Variants in UBASH3B observed in about 807,000 individuals in gnomAD.
UBASH3B encodes ubiquitin-associated and SH3 domain-containing protein B.
A neutral mutation model predicts 83.4 loss-of-function variants in UBASH3B; 37 were observed. That is an observed-to-expected ratio of 0.44 (90% CI 0.34 to 0.58). UBASH3B has a LOEUF of 0.58. Ranked by LOEUF, UBASH3B falls within the 20% of genes least tolerant of loss-of-function variation. The pLI is 0.01. For missense variants in UBASH3B, 657 were observed against 827.2 expected, an observed-to-expected ratio of 0.79 and a Z score of 2.52; for synonymous variants, 304 against 318.3, an observed-to-expected ratio of 0.96 and a Z score of 0.48.
intron 1 of UBASH3B, among the ~76,000 whole-genome samples, chr11:122,666,922 C>A (rs1044558377): frequency 1.4e-4 from 21 of 151,924 alleles, no homozygotes; most frequent in African/African-American, 4.8e-4. Context: ...AGCTTCACAC[C>A]CTGTGAAGCA....
chr11:122,798,874 TCA>T (rs1467315558), intron 9 of UBASH3B, 66 bp from the exon 10 acceptor site: 9 of 1,387,806 alleles, frequency 6.5e-6, no homozygotes, highest in Non-Finnish European at 7.1e-6. Flanking sequence ...TGGCCCCCTC[TCA>T]CACTGCGGGT....
intron 1 of UBASH3B, among the ~76,000 whole-genome samples, chr11:122,719,110 G>A (rs1457724251): frequency 6.6e-6 from 1 of 152,212 alleles, no homozygotes; most frequent in Non-Finnish European, 1.5e-5. Flanking sequence ...GCATGATTAC[G>A]TTAGATTGGT....
intron 1 of UBASH3B, among the ~76,000 whole-genome samples, chr11:122,662,311 T>C (rs1226074284): frequency 6.6e-6 from 1 of 152,202 alleles, no homozygotes; most frequent in Non-Finnish European, 1.5e-5. Context: ...ACCTGTGTGA[T>C]TACCTGCTAC....
At chr11:122,693,599 G>A (rs1239956364) in intron 1 of UBASH3B, among the ~76,000 whole-genome samples, 1 of 152,212 alleles carries the variant, frequency 6.6e-6, no homozygotes, top group Non-Finnish European at 1.5e-5. Flanking sequence ...ATGGCCGAGC[G>A]TGGTGGCTCA....
intron 1 of UBASH3B, among the ~76,000 whole-genome samples, chr11:122,673,693 A>G (rs2135902089): frequency 6.6e-6 from 1 of 152,174 alleles, no homozygotes; most frequent in Non-Finnish European, 1.5e-5. Flanking sequence ...CGCTCTTTCT[A>G]TTGTCACTGC....
chr11:122,715,930 A>G (rs1860518003), intron 1 of UBASH3B, among the ~76,000 whole-genome samples: 1 of 152,242 alleles, frequency 6.6e-6, no homozygotes. Flanking sequence ...AGTCAAAATT[A>G]CATTTTCCTG....
At chr11:122,751,529 A>G (rs1008641129) in intron 1 of UBASH3B, among the ~76,000 whole-genome samples, 16 of 152,316 alleles carry the variant, frequency 1.1e-4, no homozygotes, top group Non-Finnish European at 1.8e-4. Context: ...GCTCCAGCCT[A>G]CCCTATAATT....
intron 1 of UBASH3B, among the ~76,000 whole-genome samples, chr11:122,744,708 C>CTA (rs1555142461): frequency 6.6e-6 from 1 of 151,704 alleles, no homozygotes; most frequent in Non-Finnish European, 1.5e-5. Context: ...ACATGTGCAA[C>CTA]TGTGTGTGAC....
intron 1 of UBASH3B, among the ~76,000 whole-genome samples, chr11:122,714,358 C>T (rs914860814): frequency 1.3e-5 from 2 of 152,238 alleles, no homozygotes; most frequent in Non-Finnish European, 2.9e-5. Context: ...CTCTCTAAAT[C>T]GGCCTTCCTG....
At chr11:122,808,341 G>A (rs1361102418) in intron 13 of UBASH3B, among the ~76,000 whole-genome samples, 165 bp downstream of exon 13, 1 of 152,208 alleles carries the variant, frequency 6.6e-6, no homozygotes, top group Admixed American at 6.5e-5. Flanking sequence ...TCTGTGCAGG[G>A]CACTTTATTA....
At chr11:122,788,067 G>C (rs1291176598) in intron 5 of UBASH3B, among the ~76,000 whole-genome samples, 2 of 152,178 alleles carry the variant, frequency 1.3e-5, no homozygotes, top group Non-Finnish European at 2.9e-5. Flanking sequence ...AAGGCAAAAA[G>C]AAATAAAGAA....
chr11:122,804,993 C>T (rs998630855), intron 11 of UBASH3B, among the ~76,000 whole-genome samples: 1 of 152,114 alleles, frequency 6.6e-6, no homozygotes, highest in Admixed American at 6.5e-5. Flanking sequence ...GCAGGGGCAC[C>T]GGGACAGGAA....
chr11:122,741,292 T>A (rs548374591), intron 1 of UBASH3B, among the ~76,000 whole-genome samples: 1 of 152,298 alleles, frequency 6.6e-6, no homozygotes, highest in East Asian at 1.9e-4. Flanking sequence ...TTTTAAAAAT[T>A]TTCAATTGGA....
chr11:122,662,972 C>CTTTTTTTTT lies in UBASH3B; in HGVS notation c.161+6776_161+6784dup, dbSNP rs568564848. Among the ~76,000 whole-genome samples, 110 of 110,584 alleles carry CTTTTTTTTT rather than the reference C, an allele frequency of 9.9e-4. 2 individuals are homozygous for CTTTTTTTTT. Among genetic ancestry groups the CTTTTTTTTT allele is most frequent in the East Asian group, 2.8e-3 (10 of 3,572 alleles). The allele number at this position is 110,584 out of a possible 152,430, so 72.5% of individuals were successfully genotyped here. ...AAAATTCCCTCTTACGCGCTAATGTCTTTTTTTTTTTTTTTTTTTTTTGAG... is the reference window on the plus strand; with the variant it reads ...AAAATTCCCTCTTACGCGCTAATGTCTTTTTTTTTTTTTTTTTTTTTTTTTTTTTTTGAG... On this transcript the variant is annotated intron_variant, in intron 1 of 13. Coordinates refer to ENST00000284273, the MANE Select transcript of UBASH3B (RefSeq NM_032873.5).
At chr11:122,748,015 A>T (rs542024329) in intron 1 of UBASH3B, among the ~76,000 whole-genome samples, 1 of 152,372 alleles carries the variant, frequency 6.6e-6, no homozygotes, top group South Asian at 2.1e-4. Flanking sequence ...AAGTAGCAGC[A>T]GCTATGAAAT....
At chr11:122,724,267 A>G (rs1309092451) in intron 1 of UBASH3B, among the ~76,000 whole-genome samples, 6 of 152,206 alleles carry the variant, frequency 3.9e-5, no homozygotes, top group African/African-American at 1.4e-4. Flanking sequence ...TGACACTGGT[A>G]CCTACTTCTT....
intron 1 of UBASH3B, 57 bp downstream of exon 1, chr11:122,656,267 C>A (rs1167296973): frequency 1.5e-6 from 2 of 1,316,316 alleles, no homozygotes; most frequent in African/African-American, 3.1e-5. Context: ...GGCCGGCCCT[C>A]GGCTTCGCTC....
At chr11:122,745,161 T>G (rs1428222202) in intron 1 of UBASH3B, among the ~76,000 whole-genome samples, 1 of 152,176 alleles carries the variant, frequency 6.6e-6, no homozygotes, top group African/African-American at 2.4e-5. Context: ...GCTTGTATCT[T>G]TTTTTTCTCT....
chr11:122,732,701 C>T (rs987452414), intron 1 of UBASH3B, among the ~76,000 whole-genome samples: 3 of 152,168 alleles, frequency 2.0e-5, no homozygotes, highest in African/African-American at 7.2e-5. Flanking sequence ...CCCCAACAAC[C>T]CTCAATTAGA....
Sources: gnomAD v4.1 joint callset for allele counts (sites outside exome capture counted in the v4.1 genomes callset) on GRCh38, gnomAD v4.1.1 for gene constraint, MANE v1.5 for transcripts, NCBI Gene and HGNC (gene_info 2026-07-23, HGNC 2026-07-21) for gene names.